The following LSAMP variants were observed in gnomAD, a reference collection of about 807,000 sequenced individuals.
LSAMP encodes the protein limbic system-associated membrane protein.
In LSAMP, 7 loss-of-function variants were observed where a neutral mutation model predicts 38.6. The ratio of observed to expected loss-of-function variants is 0.18; its 90% CI spans 0.10 to 0.34. LSAMP has a LOEUF of 0.34. Among genes scored for constraint, LSAMP ranks in the 10% least tolerant of loss-of-function variants. The pLI is 1.00. For missense variants in LSAMP, 313 were observed against 420.0 expected (o/e 0.75, Z 2.23); for synonymous variants, 154 against 166.8 (o/e 0.92, Z 0.59).
At chr3:116,193,655 T>G (rs757395312) in intron 1 of LSAMP, among the ~76,000 whole-genome samples, 4 of 152,178 alleles carry the variant, frequency 2.6e-5, no homozygotes, top group Admixed American at 6.5e-5. Flanking sequence ...ATTTTGGTAT[T>G]GAAACAAGCT....
intron 3 of LSAMP, among the ~76,000 whole-genome samples, chr3:115,880,838 C>A (rs1266756443): frequency 1.3e-5 from 2 of 151,774 alleles, no homozygotes; most frequent in African/African-American, 4.8e-5. Context: ...TCGAGACCAG[C>A]CCGGCCTACC....
intron 6 of LSAMP, chr3:115,816,776 T>C (rs1265887890): frequency 4.8e-6 from 2 of 416,978 alleles, no homozygotes; most frequent in Non-Finnish European, 8.7e-6. Context: ...AACATTTTAA[T>C]AGGAAAGAAT....
At chr3:116,167,187 C>T (rs1272265719) in intron 1 of LSAMP, among the ~76,000 whole-genome samples, 3 of 151,994 alleles carry the variant, frequency 2.0e-5, no homozygotes, top group Non-Finnish European at 4.4e-5. Flanking sequence ...TGTCAGTGCA[C>T]CTGTCACCCA....
intron 1 of LSAMP, among the ~76,000 whole-genome samples, chr3:116,137,946 A>G (rs952652279): frequency 1.3e-5 from 2 of 152,264 alleles, no homozygotes; most frequent in African/African-American, 4.8e-5. Flanking sequence ...ACTAAGAAAT[A>G]TGTTCAAAGG....
chr3:116,195,516 G>T (rs971924396), intron 1 of LSAMP, among the ~76,000 whole-genome samples: 7 of 151,866 alleles, frequency 4.6e-5, no homozygotes, highest in African/African-American at 1.7e-4. Flanking sequence ...CTCCTAAATT[G>T]GTATGACAAT....
intron 1 of LSAMP, among the ~76,000 whole-genome samples, chr3:116,109,294 A>T (rs1048140108): frequency 2.0e-5 from 3 of 152,114 alleles, no homozygotes; most frequent in African/African-American, 7.2e-5. Context: ...TGAGGAGGGG[A>T]GGCAATAAAA....
At chr3:116,288,480 A>G (rs2047220592) in intron 1 of LSAMP, among the ~76,000 whole-genome samples, 1 of 152,182 alleles carries the variant, frequency 6.6e-6, no homozygotes. Flanking sequence ...TTACTTTTAC[A>G]TTGTTGATTC....
At chr3:116,079,015 C>T (rs1178059758) in intron 2 of LSAMP, among the ~76,000 whole-genome samples, 1 of 152,120 alleles carries the variant, frequency 6.6e-6, no homozygotes, top group Non-Finnish European at 1.5e-5. Context: ...GTACACAATT[C>T]TCTCTCTCTT....
chr3:116,440,097 G>A (rs189320896), intron 1 of LSAMP, among the ~76,000 whole-genome samples: 126 of 152,320 alleles, frequency 8.3e-4, no homozygotes, highest in South Asian at 2.9e-3. Context: ...AGCATGCAAG[G>A]ATAGATCCAA....
chr3:116,097,926 G>A (rs997653960), intron 1 of LSAMP, among the ~76,000 whole-genome samples: 2 of 151,792 alleles, frequency 1.3e-5, no homozygotes, highest in Non-Finnish European at 2.9e-5. Flanking sequence ...GGTAAGATGG[G>A]GTTTCACTAT....
At chr3:116,130,320 T>C (rs1440859579) in intron 1 of LSAMP, among the ~76,000 whole-genome samples, 2 of 152,190 alleles carry the variant, frequency 1.3e-5, no homozygotes, top group African/African-American at 2.4e-5. Context: ...TAATTTAGTA[T>C]ACAAAGACAA....
At chr3:115,911,924 T>A (rs1937144636) in intron 3 of LSAMP, among the ~76,000 whole-genome samples, 1 of 152,232 alleles carries the variant, frequency 6.6e-6, no homozygotes, top group African/African-American at 2.4e-5. Context: ...TGCATTTCCC[T>A]AAACGGCTAG....
intron 1 of LSAMP, among the ~76,000 whole-genome samples, chr3:116,110,903 C>A (rs146644557): frequency 6.6e-6 from 1 of 150,440 alleles, no homozygotes; most frequent in Non-Finnish European, 1.5e-5. Context: ...AAAGAGTCAG[C>A]GAAGGGAGGT....
chr3:115,925,997 T>A (rs1383126812), intron 3 of LSAMP, among the ~76,000 whole-genome samples: 1 of 151,818 alleles, frequency 6.6e-6, no homozygotes, highest in Non-Finnish European at 1.5e-5. Context: ...TTACATGTGA[T>A]AGAAAGAAAC....
intron 1 of LSAMP, among the ~76,000 whole-genome samples, chr3:116,095,268 G>A (rs1016434116): frequency 5.3e-5 from 8 of 152,162 alleles, no homozygotes; most frequent in Non-Finnish European, 1.0e-4. Flanking sequence ...AGTTCACATG[G>A]CAAATGGCAA....
chr3:116,195,718 G>GAAA lies in LSAMP; in HGVS notation c.156-109165_156-109163dup, dbSNP rs10631420. The stretch of plus-strand genomic sequence containing the variant: ...ATAAAAGTCTTTTAGAAAAAAAAAT[G>GAAA]AAAAAAAAAAAACATTTAAAGGAAA... On this transcript the variant is annotated intron_variant, in intron 1 of 6. Coordinates refer to ENST00000490035, the MANE Select transcript of LSAMP (RefSeq NM_002338.5). Among the ~76,000 whole-genome samples, 1,244 of 139,644 alleles carry GAAA rather than the reference G, an allele frequency of 8.9e-3. 18 individuals carry two copies. The highest frequency in any genetic ancestry group is 0.03 in the African/African-American group (1,134 of 37,774). The allele number at this position is 139,644 out of a possible 152,430, so 91.6% of individuals were successfully genotyped here.
At chr3:116,031,735 G>A (rs542399273) in intron 2 of LSAMP, among the ~76,000 whole-genome samples, 1 of 151,168 alleles carries the variant, frequency 6.6e-6, no homozygotes, top group Non-Finnish European at 1.5e-5. Context: ...CCAGAAGATA[G>A]AATATTTAGA....
At chr3:115,860,736 A>ACAGT (rs1935650725) in intron 3 of LSAMP, among the ~76,000 whole-genome samples, 1 of 152,236 alleles carries the variant, frequency 6.6e-6, no homozygotes, top group South Asian at 2.1e-4. Context: ...AGCTACAGAG[A>ACAGT]CAGTGTAGAG....
chr3:115,960,539 G>T (rs966219226), intron 3 of LSAMP, among the ~76,000 whole-genome samples: 3 of 152,054 alleles, frequency 2.0e-5, no homozygotes, highest in South Asian at 2.1e-4. Flanking sequence ...GATGCATGTT[G>T]TCATCTTTTA....
Sources: allele counts gnomAD v4.1 joint callset (sites outside exome capture counted in the v4.1 genomes callset), GRCh38; gene constraint gnomAD v4.1.1; transcripts MANE v1.5; gene names NCBI Gene and HGNC (gene_info 2026-07-23, HGNC 2026-07-21).